The following LIMS1 variants were observed in gnomAD, a reference collection of about 807,000 sequenced individuals.
The protein encoded by LIMS1 is LIM zinc finger domain containing 1.
A neutral mutation model predicts 44.1 loss-of-function variants in LIMS1; 18 were observed. That is an observed-to-expected ratio of 0.41 (90% CI 0.28 to 0.61). LIMS1 has a LOEUF of 0.61. Among genes scored for constraint, LIMS1 ranks in the 20% least tolerant of loss-of-function variants. LIMS1 has a pLI of 0.32. For missense variants in LIMS1, 201 were observed against 422.0 expected (o/e 0.48, Z 4.59); for synonymous variants, 93 against 149.1 (o/e 0.62, Z 2.74).
chr2:108,683,802 G>C, intron 9 of LIMS1, 83 bp from the exon 10 acceptor site: 2 of 685,772 alleles, frequency 2.9e-6, no homozygotes, highest in Non-Finnish European at 4.9e-6. Context: ...GTTTAGTTCA[G>C]TACAATTACT....
intron 5 of LIMS1, among the ~76,000 whole-genome samples, chr2:108,675,476 G>C (rs1383795762): frequency 1.3e-5 from 2 of 152,096 alleles, no homozygotes; most frequent in Admixed American, 6.6e-5. Flanking sequence ...CCTCAGAATT[G>C]GGGATCATGA....
intron 1 of LIMS1, among the ~76,000 whole-genome samples, chr2:108,551,505 A>T (rs962985851): frequency 7.1e-6 from 1 of 140,316 alleles, no homozygotes; most frequent in African/African-American, 2.5e-5. Context: ...ACACACACAC[A>T]CACACACACA....
chr2:108,662,507 C>G (rs1691449561), intron 2 of LIMS1: 1 of 1,334,474 alleles, frequency 7.5e-7, no homozygotes, highest in Non-Finnish European at 1.0e-6. Context: ...TTGCCCAGTT[C>G]AAGATCTGTT....
At chr2:108,591,957 G>A (rs1686426477) in intron 1 of LIMS1, among the ~76,000 whole-genome samples, 1 of 151,940 alleles carries the variant, frequency 6.6e-6, no homozygotes. Flanking sequence ...ACCATGCCCG[G>A]CTAATTTTTG....
intron 1 of LIMS1, among the ~76,000 whole-genome samples, chr2:108,649,047 A>T (rs750981023): frequency 3.6e-4 from 55 of 152,334 alleles, no homozygotes; most frequent in Non-Finnish European, 6.5e-4. Context: ...TGAACAGACA[A>T]CCTACAGAAT....
exon 10 of LIMS1, chr2:108,686,368 C>T (rs1340771004): frequency 6.6e-6 from 1 of 151,930 alleles, no homozygotes; most frequent in Non-Finnish European, 1.5e-5. Flanking sequence ...AGAAATTCAA[C>T]TTGCTAAGCC....
chr2:108,575,228 GGA>G (rs1440988017), intron 1 of LIMS1, among the ~76,000 whole-genome samples: 2 of 152,112 alleles, frequency 1.3e-5, no homozygotes, highest in Non-Finnish European at 2.9e-5. Flanking sequence ...TGGGGAGGAT[GGA>G]GGTGGGGTTT....
chr2:108,551,596 CTA>C (rs751732057), intron 1 of LIMS1, among the ~76,000 whole-genome samples: 9 of 133,854 alleles, frequency 6.7e-5, no homozygotes, highest in Non-Finnish European at 1.2e-4. Flanking sequence ...GGCATGGTTC[CTA>C]TATATATATG....
chr2:108,662,466 G>A, intron 2 of LIMS1: 1 of 1,385,604 alleles, frequency 7.2e-7, no homozygotes, highest in Non-Finnish European at 9.7e-7. Flanking sequence ...AAGATGCGAT[G>A]AATACCCAGA....
At chr2:108,588,467 C>T in intron 1 of LIMS1, 1 of 985,580 alleles carries the variant, frequency 1.0e-6, no homozygotes, top group Non-Finnish European at 1.2e-6. Context: ...AGGTTCTTTA[C>T]TCTTGAATTA....
At chr2:108,626,412 C>A (rs1188162912) in intron 1 of LIMS1, among the ~76,000 whole-genome samples, 1 of 151,902 alleles carries the variant, frequency 6.6e-6, no homozygotes, top group Non-Finnish European at 1.5e-5. Context: ...AGAGAAAAAC[C>A]ACTTGCTAGT....
At chr2:108,579,596 A>G (rs1573364213) in intron 1 of LIMS1, among the ~76,000 whole-genome samples, 1 of 152,260 alleles carries the variant, frequency 6.6e-6, no homozygotes, top group South Asian at 2.1e-4. Flanking sequence ...TCTTGATTCC[A>G]GAGAAATACA....
intron 1 of LIMS1, among the ~76,000 whole-genome samples, chr2:108,589,879 C>G (rs1489251331): frequency 6.6e-6 from 1 of 152,044 alleles, no homozygotes; most frequent in African/African-American, 2.4e-5. Flanking sequence ...TAGTTTCATA[C>G]CATTGTGATC....
intron 1 of LIMS1, among the ~76,000 whole-genome samples, chr2:108,628,640 AT>A (rs1199147889): frequency 6.6e-6 from 1 of 152,078 alleles, no homozygotes; most frequent in African/African-American, 2.4e-5. Flanking sequence ...TAATTTTTGT[AT>A]TTTTAGTAGA....
intron 1 of LIMS1, among the ~76,000 whole-genome samples, chr2:108,554,800 G>A (rs146757411): frequency 2.6e-5 from 4 of 152,284 alleles, no homozygotes; most frequent in Admixed American, 1.3e-4. Context: ...CTTTAGGTAA[G>A]GGACACACAA....
At chr2:108,551,883 A>C (rs1202660053) in intron 1 of LIMS1, among the ~76,000 whole-genome samples, 1 of 145,428 alleles carries the variant, frequency 6.9e-6, no homozygotes, top group Non-Finnish European at 1.5e-5. Flanking sequence ...ATATGTATAT[A>C]TGTGTATATA....
rs924762407 is a variant in LIMS1, at chr2:108,568,116, G to A, written c.32+33522G>A. ...TATTTCGAAGTTTGGTGATATTTTT[G>A]TGACCAGAAATATGCCATAGGAACT... On this transcript the variant is annotated intron_variant, in intron 1 of 9. Coordinates refer to ENST00000544547, the Ensembl canonical transcript of LIMS1. Among the ~76,000 whole-genome samples, 4 of 152,174 alleles carry A rather than the reference G, an allele frequency of 2.6e-5. 1 individual carries two copies. Among genetic ancestry groups the A allele is most frequent in the Middle Eastern group, 6.3e-3 (2 of 316 alleles).
intron 7 of LIMS1, chr2:108,677,589 C>T: frequency 4.6e-6 from 1 of 219,690 alleles, no homozygotes; most frequent in Non-Finnish European, 8.8e-6. Context: ...CTTGATGATT[C>T]TTGTCTCTGC....
intron 3 of LIMS1, among the ~76,000 whole-genome samples, chr2:108,671,488 C>T (rs1692160702): frequency 6.6e-6 from 1 of 152,142 alleles, no homozygotes; most frequent in Non-Finnish European, 1.5e-5. Flanking sequence ...GGGAAGAAAT[C>T]AGTGAGGTGC....
Sources: allele counts gnomAD v4.1 joint callset (sites outside exome capture counted in the v4.1 genomes callset), GRCh38; gene constraint gnomAD v4.1.1; transcripts MANE v1.5; gene names NCBI Gene and HGNC (gene_info 2026-07-23, HGNC 2026-07-21).